TP63: variants seen among roughly 807,000 people sequenced by gnomAD.
TP63 encodes the protein tumor protein p63.
TP63 carries 17 observed loss-of-function variants against 82.8 expected under a neutral mutation model. The observed-to-expected ratio is 0.21, with a 90% CI of 0.14 to 0.31. The LOEUF (loss-of-function observed/expected upper bound fraction) is 0.31. TP63 is among the 10% of genes least tolerant of loss of function. TP63 has a pLI of 1.00. For synonymous variants in TP63, 330 were observed against 321.7 expected (o/e 1.03, Z -0.28); for missense variants, 648 against 895.3 (o/e 0.72, Z 3.52).
Position 189,895,488 on chromosome 3 carries a change from T to C in TP63, c.*986T>C. The C allele has an allele frequency of 4.5e-6, 1 of 219,856 alleles. No homozygotes were observed. The highest frequency in any genetic ancestry group is 9.1e-6 in the Non-Finnish European group (1 of 109,730). The allele number at this position is 219,856 out of a possible 1,614,324, so 13.6% of individuals were successfully genotyped here. A position where few individuals can be genotyped will look rare whatever the true frequency, so the allele number is the denominator to read the frequency against. ...ACTAACTCAAATACACATTTGCTAC[T>C]GTTGTAAGAATTCTGATTGATTTGA... is the stretch of plus-strand genomic sequence containing the variant. On this transcript the variant is annotated 3_prime_UTR_variant, in exon 14 of 14. Transcript: ENST00000264731.
At chr3:189,816,856 C>T (rs534785958) in intron 4 of TP63, among the ~76,000 whole-genome samples, 24 of 151,872 alleles carry the variant, frequency 1.6e-4, no homozygotes, top group Non-Finnish European at 3.1e-4. Flanking sequence ...TCATTAAGCC[C>T]CCCACGTGAA....
intron 1 of TP63, among the ~76,000 whole-genome samples, chr3:189,672,602 A>G (rs1714987185): frequency 6.8e-6 from 1 of 147,806 alleles, no homozygotes. Context: ...AACCTGTCAC[A>G]AATAAAGATA....
At chr3:189,726,213 C>T (rs1026898878) in intron 1 of TP63, among the ~76,000 whole-genome samples, 3 of 152,120 alleles carry the variant, frequency 2.0e-5, no homozygotes, top group African/African-American at 4.8e-5. Flanking sequence ...GTGGGCCGAT[C>T]GTCTTATCAC....
chr3:189,742,644 T>G (rs1560150438), intron 3 of TP63, among the ~76,000 whole-genome samples: 1 of 152,220 alleles, frequency 6.6e-6, no homozygotes, highest in Admixed American at 6.5e-5. Context: ...GCCCTACATC[T>G]TATATAATCC....
the TP63 span, among the ~76,000 whole-genome samples, chr3:189,605,514 A>G: frequency 6.6e-6 from 1 of 152,190 alleles, no homozygotes; most frequent in African/African-American, 2.4e-5. Flanking sequence ...TTATATTACA[A>G]TTTCCAGAAT....
intron 3 of TP63, among the ~76,000 whole-genome samples, chr3:189,762,760 C>A (rs568985367): frequency 9.2e-5 from 14 of 152,316 alleles, no homozygotes; most frequent in African/African-American, 3.4e-4. Context: ...AAGTTCAACA[C>A]ACTCTGCTAG....
intron 1 of TP63, among the ~76,000 whole-genome samples, chr3:189,642,481 A>G (rs1445648583): frequency 6.6e-6 from 1 of 152,166 alleles, no homozygotes; most frequent in Non-Finnish European, 1.5e-5. Context: ...TCGGGGGCCA[A>G]TGCGCATAGG....
At chr3:189,682,551 AAAATATATATATAT>A (rs1222095825) in intron 1 of TP63, among the ~76,000 whole-genome samples, 12 of 30,850 alleles carry the variant, frequency 3.9e-4, no homozygotes, top group African/African-American at 5.8e-4. Flanking sequence ...AAAAAAAAAA[AAAATATATATATAT>A]ATATATATAT....
At chr3:189,852,351 C>A (rs570558492) in intron 4 of TP63, among the ~76,000 whole-genome samples, 1 of 152,350 alleles carries the variant, frequency 6.6e-6, no homozygotes, top group South Asian at 2.1e-4. Flanking sequence ...AGCCAGGTTT[C>A]AATTGTCTGC....
Position 189,648,598 on chromosome 3 carries a change from G to T in TP63, c.62+17021G>T, listed in dbSNP as rs907389708. 3.4e-5 allele frequency among the ~76,000 whole-genome samples: 5 copies of T among 147,340 alleles called. 1 individual carries two copies. The highest frequency in any genetic ancestry group is 1.3e-4 in the African/African-American group (5 of 39,456). ...TGAAAAACAAGCTTATTGAAAAAAA[G>T]AAACTTTTCTCTCTCATTAGGATAA... On this transcript the variant is annotated intron_variant, in intron 1 of 13. Transcript: ENST00000264731.
At chr3:189,698,499 G>C (rs918695479) in intron 1 of TP63, among the ~76,000 whole-genome samples, 2 of 152,080 alleles carry the variant, frequency 1.3e-5, no homozygotes, top group African/African-American at 4.8e-5. Context: ...AGAATGTAAT[G>C]ATACCTTTCT....
At chr3:189,632,150 A>C (rs765613746) in intron 1 of TP63, among the ~76,000 whole-genome samples, 4 of 152,186 alleles carry the variant, frequency 2.6e-5, no homozygotes, top group Non-Finnish European at 5.9e-5. Context: ...AATATTAGTG[A>C]GGGTGCACAA....
chr3:189,706,795 A>C (rs1039177433), intron 1 of TP63, among the ~76,000 whole-genome samples: 3 of 152,224 alleles, frequency 2.0e-5, no homozygotes, highest in African/African-American at 7.2e-5. Context: ...AGGGAGGATC[A>C]CAGAGACGAC....
chr3:189,634,269 A>G (rs1278994094), intron 1 of TP63, among the ~76,000 whole-genome samples: 1 of 152,102 alleles, frequency 6.6e-6, no homozygotes, highest in Admixed American at 6.6e-5. Flanking sequence ...GTCATGAAAG[A>G]TAATTTTTTA....
rs1239031252 is a variant in TP63, at chr3:189,886,554, AAG to A, written c.1507+6_1507+7del. ...TCCTGATGGCATGGGAGCCAACAGTAAGAGCATCTCCTTTTAGCTGTGGCTGA... is the reference window on the plus strand; with the variant it reads ...TCCTGATGGCATGGGAGCCAACAGTAAGCATCTCCTTTTAGCTGTGGCTGA... On this transcript the variant is annotated splice_donor_5th_base_variant and intron_variant, in intron 11 of 13. Coordinates refer to ENST00000264731, the MANE Select transcript of TP63 (RefSeq NM_003722.5). 1 of 1,613,882 alleles carries A rather than the reference AAG, an allele frequency of 6.2e-7. No individual in the cohort carries two copies. The highest frequency in any genetic ancestry group is 1.3e-5 in the African/African-American group (1 of 74,922).
chr3:189,819,736 T>A (rs1475401268), intron 4 of TP63, among the ~76,000 whole-genome samples: 1 of 148,060 alleles, frequency 6.8e-6, no homozygotes, highest in Non-Finnish European at 1.5e-5. Flanking sequence ...TGGTAATGGA[T>A]TATATTTTAC....
intron 1 of TP63, among the ~76,000 whole-genome samples, chr3:189,687,223 C>G (rs1716519575): frequency 6.6e-6 from 1 of 152,136 alleles, no homozygotes; most frequent in Non-Finnish European, 1.5e-5. Flanking sequence ...ATGGTCAAAT[C>G]AGCTCCACTT....
the TP63 span, among the ~76,000 whole-genome samples, chr3:189,620,197 C>T: frequency 6.6e-6 from 1 of 151,038 alleles, no homozygotes; most frequent in East Asian, 1.9e-4. Context: ...ATGGTGAAAC[C>T]CCATCTCTAC....
At chr3:189,676,635 G>A (rs1715422962) in intron 1 of TP63, among the ~76,000 whole-genome samples, 1 of 151,906 alleles carries the variant, frequency 6.6e-6, no homozygotes, top group African/African-American at 2.4e-5. Context: ...GTACAGTTGT[G>A]TTACATGGAT....
Sources: gnomAD v4.1 joint callset for allele counts (sites outside exome capture counted in the v4.1 genomes callset) on GRCh38, gnomAD v4.1.1 for gene constraint, MANE v1.5 for transcripts, NCBI Gene and HGNC (gene_info 2026-07-23, HGNC 2026-07-21) for gene names.